MANBA: variants seen among roughly 807,000 people sequenced by gnomAD.
MANBA encodes the protein mannosidase beta.
In MANBA, 83 loss-of-function variants were observed where a neutral mutation model predicts 111.1. The observed-to-expected ratio is 0.75, with a 90% CI of 0.63 to 0.90. MANBA has a LOEUF of 0.90. MANBA is among the 40% of genes least tolerant of loss of function. MANBA has a pLI of 0.00. For missense variants in MANBA, 1,036 were observed against 1,069.0 expected (o/e 0.97, Z 0.43); for synonymous variants, 370 against 378.7 (o/e 0.98, Z 0.27).
At chr4:102,642,408 T>A (rs148347091) in intron 13 of MANBA, among the ~76,000 whole-genome samples, 2 of 152,026 alleles carry the variant, frequency 1.3e-5, no homozygotes, top group Non-Finnish European at 2.9e-5. Flanking sequence ...GAGATGGAGA[T>A]CATCCTGGCT....
chr4:102,737,750 G>A (rs975878857), intron 1 of MANBA, among the ~76,000 whole-genome samples: 5 of 152,184 alleles, frequency 3.3e-5, no homozygotes, highest in African/African-American at 1.2e-4. Flanking sequence ...CCAAACTGCT[G>A]GGATGACAGG....
chr4:102,673,037 T>C (rs1731562100), intron 8 of MANBA, among the ~76,000 whole-genome samples: 1 of 152,174 alleles, frequency 6.6e-6, no homozygotes, highest in Non-Finnish European at 1.5e-5. Context: ...ATATTCCTAG[T>C]GCACATCAGA....
At chr4:102,758,925 T>C (rs1724129513) in intron 1 of MANBA, among the ~76,000 whole-genome samples, 1 of 152,154 alleles carries the variant, frequency 6.6e-6, no homozygotes, top group South Asian at 2.1e-4. Context: ...GATTGAAACC[T>C]CAAGGTTTTG....
chr4:102,717,747 C>T (rs1722399889), intron 4 of MANBA, among the ~76,000 whole-genome samples: 2 of 152,078 alleles, frequency 1.3e-5, no homozygotes, highest in Non-Finnish European at 2.9e-5. Context: ...AGGTGCAGGA[C>T]AGTCTGATGC....
chr4:102,636,017 AT>A lies in MANBA; in HGVS notation c.2015-11del. On this transcript the variant is annotated splice_polypyrimidine_tract_variant and intron_variant, in intron 14 of 16. Coordinates refer to ENST00000647097, the MANE Select transcript of MANBA (RefSeq NM_005908.4). ...CACTTTCCTCCGTACTCTGAAAATA[AT>A]CAAGAGTGTCAGGAGACGGCAAGGT... 1 of 1,612,900 alleles carries A rather than the reference AT, an allele frequency of 6.2e-7. No homozygotes were observed. The highest frequency in any genetic ancestry group is 8.5e-7 in the Non-Finnish European group (1 of 1,178,970).
At chr4:102,640,981 A>G (rs969617367) in intron 13 of MANBA, among the ~76,000 whole-genome samples, 2 of 152,206 alleles carry the variant, frequency 1.3e-5, no homozygotes, top group Admixed American at 1.3e-4. Context: ...AAAAAATGAT[A>G]CAGCCCACCA....
chr4:102,735,521 C>CAA (rs35650118), intron 1 of MANBA, among the ~76,000 whole-genome samples: 1 of 113,244 alleles, frequency 8.8e-6, no homozygotes, highest in South Asian at 3.0e-4. Flanking sequence ...GAGAAAATAC[C>CAA]AAAAAAAAAA....
intron 5 of MANBA, among the ~76,000 whole-genome samples, chr4:102,709,371 AAAGG>A (rs758135413): frequency 1.9e-4 from 28 of 144,126 alleles, no homozygotes; most frequent in African/African-American, 2.8e-4. Context: ...AAAGAAAAAG[AAAGG>A]AAGGAAGGAA....
intron 10 of MANBA, chr4:102,668,678 T>C (rs1731339112): frequency 5.0e-6 from 2 of 402,862 alleles, no homozygotes; most frequent in Non-Finnish European, 9.4e-6. Flanking sequence ...ACATTTCAGA[T>C]GCCTGTTAAA....
chr4:102,748,499 G>A (rs1198747709), intron 1 of MANBA, among the ~76,000 whole-genome samples: 1 of 152,120 alleles, frequency 6.6e-6, no homozygotes, highest in Non-Finnish European at 1.5e-5. Context: ...ATATCTGTCT[G>A]TATATGTTTA....
chr4:102,696,857 T>C (rs1463902807), intron 5 of MANBA, among the ~76,000 whole-genome samples: 1 of 152,212 alleles, frequency 6.6e-6, no homozygotes. Flanking sequence ...GAACAAGCCA[T>C]GGAATTTATA....
At chr4:102,752,664 A>AG in intron 1 of MANBA, 1 of 543,326 alleles carries the variant, frequency 1.8e-6, no homozygotes, top group South Asian at 1.4e-5. Flanking sequence ...AATTGATCAT[A>AG]GAGATTCTTT....
intron 1 of MANBA, among the ~76,000 whole-genome samples, chr4:102,732,485 T>C (rs765357841): frequency 2.0e-5 from 3 of 152,244 alleles, no homozygotes; most frequent in Non-Finnish European, 4.4e-5. Flanking sequence ...GTTAGGCAGT[T>C]GCCCAGGGCA....
chr4:102,741,674 T>A (rs558815646), intron 1 of MANBA, among the ~76,000 whole-genome samples: 2 of 152,288 alleles, frequency 1.3e-5, no homozygotes, highest in South Asian at 4.1e-4. Context: ...AACTCAGGAA[T>A]GGAAAGCCAA....
chr4:102,668,692 C>T (rs1731339897), intron 10 of MANBA: 2 of 427,210 alleles, frequency 4.7e-6, no homozygotes, highest in Non-Finnish European at 8.8e-6. Flanking sequence ...TGTTAAACCT[C>T]CAAGCAGAGG....
intron 1 of MANBA, among the ~76,000 whole-genome samples, chr4:102,741,666 C>T (rs1216514890): frequency 6.6e-6 from 1 of 152,134 alleles, no homozygotes; most frequent in African/African-American, 2.4e-5. Context: ...AGTGAAGTAA[C>T]TCAGGAATGG....
intron 5 of MANBA, among the ~76,000 whole-genome samples, chr4:102,697,464 G>A (rs1732773646): frequency 1.3e-5 from 2 of 151,350 alleles, no homozygotes; most frequent in Non-Finnish European, 2.9e-5. Context: ...CACTAAACTT[G>A]TCATCTATCA....
chr4:102,655,933 A>C (rs1730538975), intron 12 of MANBA, among the ~76,000 whole-genome samples: 1 of 152,184 alleles, frequency 6.6e-6, no homozygotes, highest in Non-Finnish European at 1.5e-5. Context: ...AATTTTCATA[A>C]TTCAATAAAA....
chr4:102,705,432 A>G (rs1733253628), intron 5 of MANBA, among the ~76,000 whole-genome samples: 5 of 152,128 alleles, frequency 3.3e-5, no homozygotes, highest in Non-Finnish European at 7.4e-5. Context: ...ACTTACTGAC[A>G]TCCCCAAGTG....
Sources: allele counts gnomAD v4.1 joint callset (sites outside exome capture counted in the v4.1 genomes callset), GRCh38; gene constraint gnomAD v4.1.1; transcripts MANE v1.5; gene names NCBI Gene and HGNC (gene_info 2026-07-23, HGNC 2026-07-21).